UTRN: variants seen among roughly 807,000 people sequenced by gnomAD.
The protein encoded by UTRN is utrophin.
In UTRN, 283 loss-of-function variants were observed where a neutral mutation model predicts 463.9. The ratio of observed to expected loss-of-function variants is 0.61; its 90% CI spans 0.55 to 0.67. UTRN has a LOEUF of 0.67. Ranked by LOEUF, UTRN falls within the 30% of genes least tolerant of loss-of-function variation. The pLI is 0.00. For synonymous variants in UTRN, 1,442 were observed against 1,431.5 expected (o/e 1.01, Z -0.17); for missense variants, 3,922 against 4,084.3 (o/e 0.96, Z 1.08).
chr6:144,638,348 G>GA (rs1162471095), intron 51 of UTRN, among the ~76,000 whole-genome samples: 2 of 152,146 alleles, frequency 1.3e-5, no homozygotes, highest in South Asian at 2.1e-4. Flanking sequence ...TATTTAAATA[G>GA]AAAAAATAGT....
rs869295327 is a variant in UTRN, at chr6:144,374,489, A to AT, written c.80-28620dup. 3.9e-3 allele frequency among the ~76,000 whole-genome samples: 558 copies of AT among 141,952 alleles called. 2 individuals carry two copies. The highest frequency in any genetic ancestry group is 0.018 in the Middle Eastern group (5 of 274). The allele number at this position is 141,952 out of a possible 152,430, so 93.1% of individuals were successfully genotyped here. The stretch of plus-strand genomic sequence containing the variant: ...AAACCCCATCTCTACTAAAAACACA[A>AT]TTTTTTTTTTTTTTAGGTGGAGTCT... On this transcript the variant is annotated intron_variant, in intron 2 of 74. Transcript: ENST00000367545.
At chr6:144,737,425 G>A (rs1033486951) in intron 54 of UTRN, among the ~76,000 whole-genome samples, 3 of 152,154 alleles carry the variant, frequency 2.0e-5, no homozygotes, top group African/African-American at 4.8e-5. Flanking sequence ...AAAACAAAAC[G>A]AGGTAGTCTT....
chr6:144,718,877 CT>C (rs1204302391), intron 53 of UTRN, among the ~76,000 whole-genome samples: 1 of 152,202 alleles, frequency 6.6e-6, no homozygotes, highest in East Asian at 1.9e-4. Flanking sequence ...TGAGGGAAGG[CT>C]GCAGCTCATG....
intron 50 of UTRN, among the ~76,000 whole-genome samples, chr6:144,564,166 C>T (rs141093804): frequency 3.3e-5 from 5 of 152,090 alleles, no homozygotes; most frequent in Non-Finnish European, 7.4e-5. Context: ...CTGCAATGTA[C>T]GTAAGTGGTA....
At position 144,390,745 on chromosome 6, in the gene UTRN, G is replaced by T. The variant is rs146538554; in HGVS notation, c.80-12378G>T. ...CAACCTGTTCCTCAAATCTTTCCGTGATCCCCTTTTCATCCCCATCAAGAC... is the reference window on the plus strand; with the variant it reads ...CAACCTGTTCCTCAAATCTTTCCGTTATCCCCTTTTCATCCCCATCAAGAC... On this transcript the variant is annotated intron_variant, in intron 2 of 74. Coordinates refer to ENST00000367545, the MANE Select transcript of UTRN (RefSeq NM_007124.3). Among the ~76,000 whole-genome samples the T allele has an allele frequency of 1.1e-3, 165 of 152,146 alleles. No individual in the cohort carries two copies. In the East Asian group the frequency reaches 0.026, roughly 24 times the overall value.
In UTRN at chr6:144,446,180, C is replaced by A. The variant is rs1787677209; in HGVS notation, c.1615-1031C>A. 5.9e-5 allele frequency among the ~76,000 whole-genome samples: 9 copies of A among 152,232 alleles called. No individual in the cohort carries two copies. The South Asian group carries it at 1.9e-3, about 32-fold the overall frequency. ...TAAAAAACAGTTTAAAAATAGAGTGCTAGTATTTCAGTCACTTGTACCACT... is the reference window on the plus strand; with the variant it reads ...TAAAAAACAGTTTAAAAATAGAGTGATAGTATTTCAGTCACTTGTACCACT... On this transcript the variant is annotated intron_variant, in intron 14 of 74. Transcript: ENST00000367545.
chr6:144,486,714 T>C (rs1792485864), intron 28 of UTRN, among the ~76,000 whole-genome samples: 1 of 152,134 alleles, frequency 6.6e-6, no homozygotes, highest in South Asian at 2.1e-4. Context: ...GAGATGGGGT[T>C]TTACCATGTC....
At chr6:144,722,628 C>G (rs80147649) in intron 53 of UTRN, among the ~76,000 whole-genome samples, 3 of 151,996 alleles carry the variant, frequency 2.0e-5, no homozygotes, top group Admixed American at 6.6e-5. Context: ...ACATAGGAAC[C>G]CTTAGACATA....
intron 2 of UTRN, among the ~76,000 whole-genome samples, chr6:144,325,621 T>C (rs1775927414): frequency 6.6e-6 from 1 of 152,142 alleles, no homozygotes; most frequent in African/African-American, 2.4e-5. Context: ...GAGTACAGTA[T>C]AGTTACAGCA....
intron 51 of UTRN, among the ~76,000 whole-genome samples, chr6:144,616,222 A>T (rs1336111083): frequency 6.6e-6 from 1 of 152,230 alleles, no homozygotes; most frequent in Non-Finnish European, 1.5e-5. Flanking sequence ...GAATAATTTA[A>T]CAAGTATTGA....
At chr6:144,508,235 AGGGGAGTGAATGGTTCTGT>A (rs1261040420) in intron 34 of UTRN, among the ~76,000 whole-genome samples, 153 of 151,628 alleles carry the variant, frequency 1.0e-3, no homozygotes, top group African/African-American at 3.4e-3. Context: ...TCCCCTTTCC[AGGGGAGTGAATGGTTCTGT>A]CTTGCTGGTG....
chr6:144,541,645 T>G (rs1797982976), intron 45 of UTRN, among the ~76,000 whole-genome samples: 1 of 152,206 alleles, frequency 6.6e-6, no homozygotes, highest in Non-Finnish European at 1.5e-5. Flanking sequence ...CTGCCAGGTA[T>G]CATTTTAAGA....
At chr6:144,501,356 A>G (rs1585034308) in intron 34 of UTRN, among the ~76,000 whole-genome samples, 1 of 152,242 alleles carries the variant, frequency 6.6e-6, no homozygotes, top group East Asian at 1.9e-4. Flanking sequence ...AATTAGTAAC[A>G]TAAGTAATAG....
intron 51 of UTRN, among the ~76,000 whole-genome samples, chr6:144,630,558 G>T (rs1004530256): frequency 6.6e-6 from 1 of 152,104 alleles, no homozygotes; most frequent in African/African-American, 2.4e-5. Flanking sequence ...AGCAGCATGG[G>T]AAAAACCTTT....
intron 58 of UTRN, among the ~76,000 whole-genome samples, chr6:144,760,795 G>A (rs547400144): frequency 6.6e-6 from 1 of 152,294 alleles, no homozygotes; most frequent in Non-Finnish European, 1.5e-5. Context: ...GAGCAAATTA[G>A]AATGTATATG....
chr6:144,612,272 T>G (rs1453718553), intron 51 of UTRN, among the ~76,000 whole-genome samples: 1 of 152,126 alleles, frequency 6.6e-6, no homozygotes, highest in Non-Finnish European at 1.5e-5. Flanking sequence ...GTAAAATTCC[T>G]AGAAGAAAAC....
At chr6:144,506,718 G>A (rs896778332) in intron 34 of UTRN, among the ~76,000 whole-genome samples, 2 of 152,176 alleles carry the variant, frequency 1.3e-5, no homozygotes, top group African/African-American at 4.8e-5. Flanking sequence ...CAACCTTGGT[G>A]AATCTGACGA....
At chr6:144,588,550 T>C (rs1055510311) in intron 51 of UTRN, among the ~76,000 whole-genome samples, 2 of 152,202 alleles carry the variant, frequency 1.3e-5, no homozygotes, top group African/African-American at 4.8e-5. Flanking sequence ...TAGAAGGTCC[T>C]TCTGAGATGG....
chr6:144,772,178 C>T (rs1413439251), intron 59 of UTRN, among the ~76,000 whole-genome samples: 4 of 151,228 alleles, frequency 2.6e-5, no homozygotes, highest in East Asian at 1.9e-4. Flanking sequence ...GGACTACAGG[C>T]GCCCGCCGCC....
Sources: gnomAD v4.1 joint callset for allele counts (sites outside exome capture counted in the v4.1 genomes callset) on GRCh38, gnomAD v4.1.1 for gene constraint, MANE v1.5 for transcripts, NCBI Gene and HGNC (gene_info 2026-07-23, HGNC 2026-07-21) for gene names.